FAM135A: variants seen among roughly 807,000 people sequenced by gnomAD.
FAM135A encodes the protein protein FAM135A.
A neutral mutation model predicts 146.8 loss-of-function variants in FAM135A; 79 were observed. The observed-to-expected ratio is 0.54, with a 90% CI of 0.45 to 0.65. The LOEUF (loss-of-function observed/expected upper bound fraction) is 0.65, where lower values mean the gene tolerates loss of function less well. Among genes scored for constraint, FAM135A ranks in the 30% least tolerant of loss-of-function variants. FAM135A has a pLI of 0.00. For synonymous variants in FAM135A, 562 were observed against 603.6 expected (o/e 0.93, Z 1.01); for missense variants, 1,623 against 1,758.2 (o/e 0.92, Z 1.38).
At chr6:70,547,795 C>T (rs1799114160) in intron 20 of FAM135A, among the ~76,000 whole-genome samples, 1 of 152,120 alleles carries the variant, frequency 6.6e-6, no homozygotes, top group African/African-American at 2.4e-5. Flanking sequence ...TAGTCCAGAG[C>T]AATATGGAAG....
intron 12 of FAM135A, chr6:70,504,682 A>G (rs1465268969): frequency 6.6e-6 from 1 of 152,206 alleles, no homozygotes; most frequent in Non-Finnish European, 1.5e-5. Context: ...CTTACAGAAG[A>G]CTTTAAAAAG....
intron 21 of FAM135A, 51 bp from the exon 22 acceptor site, chr6:70,559,665 T>G: frequency 7.0e-7 from 1 of 1,433,154 alleles, no homozygotes; most frequent in Non-Finnish European, 9.4e-7. Flanking sequence ...AGTTTTTTTA[T>G]TTTCAGTTAC....
chr6:70,484,586 A>G (rs1355808285), intron 10 of FAM135A, among the ~76,000 whole-genome samples: 2 of 152,202 alleles, frequency 1.3e-5, no homozygotes, highest in South Asian at 2.1e-4. Context: ...GGATGAAACT[A>G]TTCCACCTCA....
chr6:70,470,313 GTTA>G (rs1781354862), intron 5 of FAM135A, among the ~76,000 whole-genome samples: 1 of 152,082 alleles, frequency 6.6e-6, no homozygotes, highest in Non-Finnish European at 1.5e-5. Context: ...CTCTCATTAG[GTTA>G]TAGTCATTTA....
At chr6:70,529,997 G>A (rs1428490168) in intron 16 of FAM135A, among the ~76,000 whole-genome samples, 2 of 152,178 alleles carry the variant, frequency 1.3e-5, no homozygotes, top group African/African-American at 2.4e-5. Context: ...CTGGGAGGCG[G>A]AGCTTGCGGT....
At chr6:70,533,611 A>G (rs1030594703) in intron 17 of FAM135A, 146 bp from the exon 18 acceptor site, 10 of 582,366 alleles carry the variant, frequency 1.7e-5, no homozygotes, top group South Asian at 4.5e-5. Flanking sequence ...GTTTTAAGAT[A>G]AAAAAATTAC....
At chr6:70,427,992 T>C (rs922685069) in intron 3 of FAM135A, among the ~76,000 whole-genome samples, 4 of 152,164 alleles carry the variant, frequency 2.6e-5, no homozygotes, top group Non-Finnish European at 4.4e-5. Context: ...AAAGTTCCTA[T>C]CTATAAGAGA....
intron 20 of FAM135A, among the ~76,000 whole-genome samples, chr6:70,545,131 A>T (rs1254423812): frequency 6.6e-6 from 1 of 152,118 alleles, no homozygotes; most frequent in Non-Finnish European, 1.5e-5. Context: ...TTACACAAAC[A>T]ATATATATCT....
intron 4 of FAM135A, 59 bp downstream of exon 4, chr6:70,428,478 A>G: frequency 8.9e-7 from 1 of 1,120,084 alleles, no homozygotes. Flanking sequence ...TTAAATTTAA[A>G]TTTAATTACA....
At chr6:70,538,491 T>C in intron 20 of FAM135A, 90 bp downstream of exon 20, 1 of 685,928 alleles carries the variant, frequency 1.5e-6, no homozygotes, top group Non-Finnish European at 2.1e-6. Context: ...CATGTCTTTC[T>C]AGTGGTTAAA....
chr6:70,501,499 G>A (rs982781504), intron 11 of FAM135A, among the ~76,000 whole-genome samples: 7 of 152,162 alleles, frequency 4.6e-5, no homozygotes, highest in African/African-American at 1.7e-4. Context: ...GCAGGGGAGT[G>A]AACGGTTCTG....
At chr6:70,451,231 A>C (rs1777026772) in intron 4 of FAM135A, among the ~76,000 whole-genome samples, 1 of 152,194 alleles carries the variant, frequency 6.6e-6, no homozygotes, top group African/African-American at 2.4e-5. Context: ...AAGGATTGTG[A>C]ATGTACGCTA....
chr6:70,487,383 G>A (rs1040775128), intron 10 of FAM135A, among the ~76,000 whole-genome samples: 2 of 151,916 alleles, frequency 1.3e-5, no homozygotes, highest in African/African-American at 4.8e-5. Context: ...TTTTCACTTT[G>A]CGTTCAGTAA....
In FAM135A at chr6:70,528,244, A is replaced by G. The variant is rs372289423; in HGVS notation, c.3615-48A>G. The G allele has an allele frequency of 2.0e-5, 31 of 1,529,800 alleles. 1 individual carries two copies. Among genetic ancestry groups the G allele is most frequent in the Non-Finnish European group, 2.5e-5 (29 of 1,140,350 alleles). The allele number at this position is 1,529,800 out of a possible 1,614,324, so 94.8% of individuals were successfully genotyped here. A position where few individuals can be genotyped will look rare whatever the true frequency, so the allele number is the denominator to read the frequency against. ...TCTCTAAATTCAGGAGGGTTCTAACAACTGAATATGATCCTTAGTAAAGAG... is the reference window on the plus strand; with the variant it reads ...TCTCTAAATTCAGGAGGGTTCTAACGACTGAATATGATCCTTAGTAAAGAG... On this transcript the variant is annotated intron_variant, in intron 15 of 21. Coordinates refer to ENST00000418814, the MANE Select transcript of FAM135A (RefSeq NM_001162529.3).
Position 70,528,317 on chromosome 6 carries a change from A to G in FAM135A, c.3640A>G (p.Lys1214Glu). The G allele has an allele frequency of 6.2e-7, 1 of 1,610,982 alleles. No homozygotes were observed. The highest frequency in any genetic ancestry group is 2.2e-5 in the East Asian group (1 of 44,814). Residue 1214 changes from lysine (K) to glutamate (E), a missense_variant, in exon 16 of 22, where the codon AAG becomes GAG. Lys to Glu is a moderately conservative substitution (Grantham distance 56). This residue lies in a region of FAM135A where 1,061 missense variants were observed against 1,113.8 expected (regional missense o/e 0.95). Coordinates refer to ENST00000418814, the MANE Select transcript of FAM135A (RefSeq NM_001162529.3). ...QAFLQAKEELKLLKLPGFMYS... is the reference protein window; with the variant it reads ...QAFLQAKEELELLKLPGFMYS... ...CTTCCTTCAGGCAAAAGAAGAACTG[A>G]AGCTACTAAAACTTCCTGGGTTCAT...
intron 2 of FAM135A, among the ~76,000 whole-genome samples, chr6:70,425,116 A>T (rs1769764363): frequency 2.0e-5 from 3 of 149,076 alleles, no homozygotes; most frequent in South Asian, 2.1e-4. Flanking sequence ...TATATATATA[A>T]AATACATATT....
intron 11 of FAM135A, among the ~76,000 whole-genome samples, chr6:70,497,638 A>G (rs1195126580): frequency 6.6e-6 from 1 of 152,196 alleles, no homozygotes; most frequent in Non-Finnish European, 1.5e-5. Flanking sequence ...TGGGTTTGTC[A>G]TAAATAGCTC....
chr6:70,430,109 G>T (rs963842305), intron 4 of FAM135A, among the ~76,000 whole-genome samples: 2 of 152,104 alleles, frequency 1.3e-5, no homozygotes, highest in African/African-American at 4.8e-5. Flanking sequence ...GGCCAAGGCG[G>T]GCAGATCACC....
In FAM135A at chr6:70,475,525, A is replaced by G; in HGVS notation, c.273A>G (p.Val91=). 6.3e-7 allele frequency: 1 copy of G among 1,597,526 alleles called. No homozygotes were observed. Among genetic ancestry groups the G allele is most frequent in the Middle Eastern group, 1.7e-4 (1 of 6,022 alleles). The part of the protein sequence containing the change: ...VVLNDVMIFK[V]KMLLDERKIE... The stretch of plus-strand genomic sequence containing the variant: ...TAAATGATGTTATGATCTTCAAAGT[A>G]AAAATGCTATTGGATGAAAGAAAGG... The change falls in exon 6 of 22, where the codon GTA becomes GTG. Residue 91 remains valine, a synonymous_variant. Transcript: ENST00000418814.
Sources: allele counts gnomAD v4.1 joint callset (sites outside exome capture counted in the v4.1 genomes callset), GRCh38; gene constraint gnomAD v4.1.1; regional missense constraint gnomAD v4.1.1; transcripts MANE v1.5; gene names NCBI Gene and HGNC (gene_info 2026-07-23, HGNC 2026-07-21).